Variants in CSMD1 observed in about 807,000 individuals in gnomAD.
CSMD1 encodes the protein CUB and sushi domain-containing protein 1.
A neutral mutation model predicts 417.5 loss-of-function variants in CSMD1; 213 were observed. That is an observed-to-expected ratio of 0.51 (90% CI 0.46 to 0.57). CSMD1 has a LOEUF of 0.57. Ranked by LOEUF, CSMD1 falls within the 20% of genes least tolerant of loss-of-function variation. The pLI, the probability that CSMD1 is intolerant of heterozygous loss-of-function variation, is 0.00. For synonymous variants in CSMD1, 2,862 were observed against 1,736.8 expected (o/e 1.65, Z -16.11); for missense variants, 6,923 against 4,529.7 (o/e 1.53, Z -15.17).
At chr8:4,028,923 G>T (rs141319356) in intron 4 of CSMD1, among the ~76,000 whole-genome samples, 4 of 152,162 alleles carry the variant, frequency 2.6e-5, no homozygotes, top group Non-Finnish European at 5.9e-5. Flanking sequence ...TAAAGTCATT[G>T]GAACAGTAAA....
At chr8:3,322,443 A>G (rs576772285) in intron 23 of CSMD1, among the ~76,000 whole-genome samples, 7 of 152,316 alleles carry the variant, frequency 4.6e-5, no homozygotes, top group African/African-American at 1.7e-4. Context: ...TTCTTCTTCC[A>G]AATAGGCCTA....
At chr8:3,714,317 A>T (rs1325285795) in intron 6 of CSMD1, among the ~76,000 whole-genome samples, 2 of 151,042 alleles carry the variant, frequency 1.3e-5, no homozygotes, top group Admixed American at 6.6e-5. Flanking sequence ...AAGTAATCAC[A>T]TTCCATAAGC....
At chr8:4,018,473 G>C (rs1311640067) in intron 4 of CSMD1, among the ~76,000 whole-genome samples, 5 of 152,112 alleles carry the variant, frequency 3.3e-5, no homozygotes, top group African/African-American at 4.8e-5. Flanking sequence ...TACCTACTTT[G>C]CACAAGGAGC....
At position 4,639,891 on chromosome 8, in the gene CSMD1, A is replaced by G. The variant is rs144560206; in HGVS notation, c.86-2333T>C. On this transcript the variant is annotated intron_variant, in intron 1 of 69. Transcript: ENST00000635120. ...AAAAAGCCCATTTTCCACTAAATTT[A>G]AGTCCAATAATAACACTGTAACAAG... 5.3e-5 allele frequency among the ~76,000 whole-genome samples: 8 copies of G among 152,348 alleles called. No individual in the cohort carries two copies. The South Asian group carries it at 1.2e-3, about 24-fold the overall frequency.
chr8:2,942,516 A>G lies in CSMD1; in HGVS notation c.10491T>C (p.Phe3497=), dbSNP rs764381003. The G allele has an allele frequency of 6.2e-7, 1 of 1,612,720 alleles. No homozygotes were observed. The highest frequency in any genetic ancestry group is 2.2e-5 in the East Asian group (1 of 44,826). The stretch of plus-strand genomic sequence containing the variant: ...ATGCAAACCCTGATAAAATTAGAGC[A>G]AAGAAAGGAACCAGAATGGCAGCCG... ...SVAAAILVPF[F]ALILSGFAFY... The change falls in exon 69 of 70, where the codon TTT becomes TTC. Residue 3497 remains phenylalanine, a synonymous_variant. Transcript: ENST00000635120.
At chr8:4,499,725 G>T (rs1236648863) in intron 2 of CSMD1, among the ~76,000 whole-genome samples, 1 of 152,182 alleles carries the variant, frequency 6.6e-6, no homozygotes, top group African/African-American at 2.4e-5. Flanking sequence ...AAGTTGATAT[G>T]GGCATTGACA....
intron 3 of CSMD1, among the ~76,000 whole-genome samples, chr8:4,318,970 C>T (rs929464047): frequency 6.6e-6 from 1 of 152,070 alleles, no homozygotes; most frequent in East Asian, 1.9e-4. Context: ...ACAATAATGA[C>T]AATCTATCAT....
chr8:4,838,576 G>A (rs146721100), intron 1 of CSMD1, among the ~76,000 whole-genome samples: 2 of 152,194 alleles, frequency 1.3e-5, no homozygotes, highest in East Asian at 1.9e-4. Flanking sequence ...TGCATGTTGA[G>A]GATATATTCA....
At chr8:4,896,573 G>A (rs1258121626) in intron 1 of CSMD1, among the ~76,000 whole-genome samples, 3 of 152,076 alleles carry the variant, frequency 2.0e-5, no homozygotes, top group Non-Finnish European at 4.4e-5. Context: ...TACACATACT[G>A]ATTTAATATT....
chr8:4,290,737 C>T (rs1470224384), intron 3 of CSMD1, among the ~76,000 whole-genome samples: 1 of 152,178 alleles, frequency 6.6e-6, no homozygotes, highest in Non-Finnish European at 1.5e-5. Flanking sequence ...CTTTATCTCC[C>T]TATCTGTAGT....
Position 4,385,736 on chromosome 8 carries a change from T to C in CSMD1, c.415+34217A>G. Reference sequence around the variant, plus strand: ...GAAAATTCAACCCATACGTTGAAAATTATAAAAATCTAAAGAGGAATTCAT... The same window carrying C: ...GAAAATTCAACCCATACGTTGAAAACTATAAAAATCTAAAGAGGAATTCAT... On this transcript the variant is annotated intron_variant, in intron 3 of 69. Coordinates refer to ENST00000635120, the MANE Select transcript of CSMD1 (RefSeq NM_033225.6). Among the ~76,000 whole-genome samples, 2 of 152,190 alleles carry C rather than the reference T, an allele frequency of 1.3e-5. 1 individual carries two copies. Among genetic ancestry groups the C allele is most frequent in the Non-Finnish European group, 2.9e-5 (2 of 68,024 alleles).
At chr8:4,828,360 G>T (rs971741431) in intron 1 of CSMD1, among the ~76,000 whole-genome samples, 1 of 152,096 alleles carries the variant, frequency 6.6e-6, no homozygotes, top group South Asian at 2.1e-4. Flanking sequence ...CCCAATTGTT[G>T]ACCTGAATAT....
At chr8:2,938,775 T>C (rs1160166049) in intron 69 of CSMD1, 31 bp from the exon 70 acceptor site, 2 of 1,568,096 alleles carry the variant, frequency 1.3e-6, no homozygotes, top group Non-Finnish European at 1.7e-6. Context: ...ATCATTAGAA[T>C]CCTGGTTTCA....
chr8:4,031,915 G>A lies in CSMD1; in HGVS notation c.600C>T (p.Pro200=), dbSNP rs758564548. ...GNGASWDFPA[P]FCRAEGACGG... ...CTTGTAGCACTGTACCTCTGCAAAA[G>A]GGAGCTGGGAAGTCCCACGATGCAC... Residue 200 remains proline, a synonymous_variant, in exon 4 of 70, where the codon CCC becomes CCT. Transcript: ENST00000635120. 2 of 1,613,184 alleles carry A rather than the reference G, an allele frequency of 1.2e-6. No individual in the cohort carries two copies. The highest frequency in any genetic ancestry group is 1.7e-6 in the Non-Finnish European group (2 of 1,179,530).
At chr8:3,495,490 G>C (rs533589479) in intron 10 of CSMD1, among the ~76,000 whole-genome samples, 15 of 152,284 alleles carry the variant, frequency 9.9e-5, no homozygotes, top group African/African-American at 2.9e-4. Context: ...CCAAGGCAAA[G>C]GTAGACAGAG....
At chr8:3,827,131 C>G (rs1379236819) in intron 5 of CSMD1, among the ~76,000 whole-genome samples, 2 of 152,040 alleles carry the variant, frequency 1.3e-5, no homozygotes, top group African/African-American at 4.8e-5. Flanking sequence ...AAAGAAAAAC[C>G]CTACATGTGC....
At chr8:3,474,257 G>A (rs1247188827) in intron 11 of CSMD1, among the ~76,000 whole-genome samples, 10 of 152,090 alleles carry the variant, frequency 6.6e-5, no homozygotes, top group South Asian at 2.1e-4. Flanking sequence ...AATATAAATC[G>A]TCAAATAAAA....
At chr8:3,853,392 T>C (rs556993808) in intron 5 of CSMD1, among the ~76,000 whole-genome samples, 3 of 152,280 alleles carry the variant, frequency 2.0e-5, no homozygotes, top group South Asian at 4.1e-4. Context: ...TGCATTGGTA[T>C]AGCACGCTCT....
At chr8:4,010,038 C>G (rs988909244) in intron 4 of CSMD1, among the ~76,000 whole-genome samples, 19 of 152,176 alleles carry the variant, frequency 1.2e-4, no homozygotes, top group African/African-American at 4.6e-4. Context: ...ACTACTTCCT[C>G]GAAAACTGAA....
Sources: gnomAD v4.1 joint callset for allele counts (sites outside exome capture counted in the v4.1 genomes callset) on GRCh38, gnomAD v4.1.1 for gene constraint, MANE v1.5 for transcripts, NCBI Gene and HGNC (gene_info 2026-07-23, HGNC 2026-07-21) for gene names.